Variants in CDH13 observed in about 807,000 individuals in gnomAD.
The protein encoded by CDH13 is cadherin-13.
In CDH13, 24 loss-of-function variants were observed where a neutral mutation model predicts 63.8. That is an observed-to-expected ratio of 0.38 (90% CI 0.27 to 0.53). The LOEUF is 0.53. Ranked by LOEUF, CDH13 falls within the 20% of genes least tolerant of loss-of-function variation. The probability of loss-of-function intolerance (pLI) is 0.85; values close to 1 mark genes in which losing one functional copy is unlikely to be tolerated. For synonymous variants in CDH13, 503 were observed against 355.3 expected, an observed-to-expected ratio of 1.42 and a Z score of -4.67; for missense variants, 1,049 against 903.1, an observed-to-expected ratio of 1.16 and a Z score of -2.07.
intron 6 of CDH13, among the ~76,000 whole-genome samples, chr16:83,419,443 C>A (rs562196017): frequency 6.6e-6 from 1 of 152,160 alleles, no homozygotes; most frequent in East Asian, 1.9e-4. Flanking sequence ...TTATTTAAAC[C>A]CCTCAGCCAC....
chr16:82,953,760 C>G (rs1207995529), intron 2 of CDH13: 2 of 152,122 alleles, frequency 1.3e-5, no homozygotes, highest in Non-Finnish European at 2.9e-5. Flanking sequence ...GCATGTCTCA[C>G]ATATGTAGGA....
intron 2 of CDH13, among the ~76,000 whole-genome samples, chr16:82,918,768 C>T (rs974315167): frequency 3.9e-5 from 6 of 152,134 alleles, no homozygotes; most frequent in African/African-American, 7.2e-5. Flanking sequence ...CTCAACCCCC[C>T]GACAAAATGC....
intron 6 of CDH13, among the ~76,000 whole-genome samples, chr16:83,424,908 G>T (rs531700850): frequency 6.6e-6 from 1 of 152,150 alleles, no homozygotes; most frequent in Non-Finnish European, 1.5e-5. Flanking sequence ...CACAAGTAAG[G>T]ATTTGGCCTG....
At chr16:83,197,592 C>CT (rs2038911080) in intron 4 of CDH13, among the ~76,000 whole-genome samples, 1 of 152,078 alleles carries the variant, frequency 6.6e-6, no homozygotes, top group Non-Finnish European at 1.5e-5. Context: ...AGATCAGTGG[C>CT]TGCCAGAATG....
chr16:82,743,321 G>A (rs970898280), intron 1 of CDH13, among the ~76,000 whole-genome samples: 39 of 152,186 alleles, frequency 2.6e-4, no homozygotes, highest in African/African-American at 8.4e-4. Flanking sequence ...CAGACTTCCC[G>A]GGCTTAGGCG....
chr16:83,599,376 C>A (rs760616020), intron 7 of CDH13, among the ~76,000 whole-genome samples: 2 of 152,194 alleles, frequency 1.3e-5, no homozygotes, highest in Non-Finnish European at 2.9e-5. Context: ...GCTAAACATT[C>A]TCGTAGGACT....
chr16:82,919,308 C>T (rs1351021748), intron 2 of CDH13, among the ~76,000 whole-genome samples: 4 of 152,174 alleles, frequency 2.6e-5, no homozygotes, highest in African/African-American at 7.2e-5. Context: ...TGATCAGCCT[C>T]GTACTAAGCC....
At chr16:83,694,168 A>T (rs1383698805) in intron 10 of CDH13, among the ~76,000 whole-genome samples, 1 of 152,220 alleles carries the variant, frequency 6.6e-6, no homozygotes, top group East Asian at 1.9e-4. Flanking sequence ...GATAGAACTC[A>T]AGGGGAGGGA....
chr16:83,582,238 G>T (rs552383203), intron 7 of CDH13, among the ~76,000 whole-genome samples: 1 of 152,224 alleles, frequency 6.6e-6, no homozygotes, highest in African/African-American at 2.4e-5. Flanking sequence ...AGTTGGTCTT[G>T]CTTTACGCAG....
intron 6 of CDH13, among the ~76,000 whole-genome samples, chr16:83,369,452 C>T: frequency 6.6e-6 from 1 of 152,018 alleles, no homozygotes; most frequent in Non-Finnish European, 1.5e-5. Flanking sequence ...CTGGGGTCTC[C>T]TGTGTTGCCA....
At chr16:83,160,174 A>G (rs1009477270) in intron 4 of CDH13, among the ~76,000 whole-genome samples, 5 of 152,184 alleles carry the variant, frequency 3.3e-5, no homozygotes, top group African/African-American at 4.8e-5. Flanking sequence ...GGAAAGCTAC[A>G]TTTTAAACAT....
At chr16:83,001,934 G>C (rs993957414) in intron 2 of CDH13, among the ~76,000 whole-genome samples, 14 of 152,132 alleles carry the variant, frequency 9.2e-5, no homozygotes, top group Admixed American at 5.2e-4. Flanking sequence ...TCATATCATA[G>C]AAAAGGGAAG....
intron 1 of CDH13, among the ~76,000 whole-genome samples, chr16:82,634,984 G>A (rs1908479510): frequency 6.6e-6 from 1 of 152,232 alleles, no homozygotes; most frequent in South Asian, 2.1e-4. Context: ...GGGGCTCACA[G>A]CTTGGCAGGA....
intron 1 of CDH13, among the ~76,000 whole-genome samples, chr16:82,669,985 A>G (rs2150941676): frequency 6.6e-6 from 1 of 152,320 alleles, no homozygotes; most frequent in South Asian, 2.1e-4. Context: ...AAGAGAAACC[A>G]TTATGCAGTT....
At chr16:83,435,129 C>T (rs1039879966) in intron 6 of CDH13, among the ~76,000 whole-genome samples, 1 of 151,804 alleles carries the variant, frequency 6.6e-6, no homozygotes, top group African/African-American at 2.4e-5. Context: ...TTACTGCAAC[C>T]TCCACCTCCC....
At chr16:83,031,282 C>T (rs1455985755) in intron 2 of CDH13, among the ~76,000 whole-genome samples, 1 of 144,950 alleles carries the variant, frequency 6.9e-6, no homozygotes, top group Non-Finnish European at 1.5e-5. Context: ...ATGTATACAC[C>T]ATATACATGC....
chr16:83,459,004 T>G (rs1014419909), intron 6 of CDH13, among the ~76,000 whole-genome samples: 1 of 152,254 alleles, frequency 6.6e-6, no homozygotes, highest in Non-Finnish European at 1.5e-5. Context: ...TCTTTTTATT[T>G]AACATCTTAA....
chr16:83,628,187 G>T (rs1270401360), intron 8 of CDH13, among the ~76,000 whole-genome samples: 1 of 152,300 alleles, frequency 6.6e-6, no homozygotes, highest in East Asian at 1.9e-4. Context: ...ACGCAGCCCA[G>T]TAAGTCTCAG....
At chr16:83,509,263 A>G (rs1191632937) in intron 7 of CDH13, among the ~76,000 whole-genome samples, 3 of 152,244 alleles carry the variant, frequency 2.0e-5, no homozygotes, top group African/African-American at 7.2e-5. Flanking sequence ...GATATGTGGA[A>G]CATGCCATGG....
Sources: gnomAD v4.1 joint callset for allele counts (sites outside exome capture counted in the v4.1 genomes callset) on GRCh38, gnomAD v4.1.1 for gene constraint, MANE v1.5 for transcripts, NCBI Gene and HGNC (gene_info 2026-07-23, HGNC 2026-07-21) for gene names.